Variants in SSBP3 observed in about 807,000 individuals in gnomAD.
SSBP3 encodes the protein single-stranded DNA-binding protein 3.
Under a neutral mutation model 69.6 loss-of-function variants are expected in SSBP3, and 5 were observed. The observed-to-expected ratio is 0.07, with a 90% CI of 0.04 to 0.15. The LOEUF (loss-of-function observed/expected upper bound fraction) is 0.15, where lower values mean the gene tolerates loss of function less well. Among genes scored for constraint, SSBP3 ranks in the 10% least tolerant of loss-of-function variants. The pLI is 1.00. For synonymous variants in SSBP3, 196 were observed against 193.4 expected (o/e 1.01, Z -0.11); for missense variants, 312 against 534.0 (o/e 0.58, Z 4.10).
Position 54,319,495 on chromosome 1 carries a change from A to G in SSBP3, c.277-37968T>C, listed in dbSNP as rs956096844. Among the ~76,000 whole-genome samples the G allele has an allele frequency of 7.2e-5, 11 of 152,132 alleles. No individual in the cohort carries two copies. The East Asian group carries it at 1.6e-3, about 21-fold the overall frequency. On this transcript the variant is annotated intron_variant, in intron 4 of 17. Transcript: ENST00000610401. ...AAGCAGAAACCCCTTTATAAGGGAA[A>G]TTTCCAAACACAGAAGCAGCAGGAG...
chr1:54,360,899 G>A (rs1487469641), intron 4 of SSBP3, among the ~76,000 whole-genome samples: 1 of 146,564 alleles, frequency 6.8e-6, no homozygotes, highest in East Asian at 2.0e-4. Flanking sequence ...GGACAACATA[G>A]TAAGACCTTG....
At chr1:54,290,968 G>A (rs1645594997) in intron 4 of SSBP3, among the ~76,000 whole-genome samples, 1 of 152,078 alleles carries the variant, frequency 6.6e-6, no homozygotes, top group African/African-American at 2.4e-5. Flanking sequence ...TGTCTTAAAG[G>A]AGCTACTTAC....
At chr1:54,240,197 GC>G (rs1644604880) in intron 13 of SSBP3, among the ~76,000 whole-genome samples, 1 of 151,812 alleles carries the variant, frequency 6.6e-6, no homozygotes, top group Admixed American at 6.6e-5. Flanking sequence ...GGTGGCTCAT[GC>G]CTGTAATCCC....
chr1:54,364,446 G>T (rs955234634), intron 4 of SSBP3, among the ~76,000 whole-genome samples: 1 of 152,226 alleles, frequency 6.6e-6, no homozygotes, highest in Admixed American at 6.5e-5. Flanking sequence ...GAGCCAGTCT[G>T]CTAGAAGGAC....
chr1:54,246,706 C>A (rs1354712154), intron 9 of SSBP3, among the ~76,000 whole-genome samples: 1 of 152,218 alleles, frequency 6.6e-6, no homozygotes, highest in African/African-American at 2.4e-5. Flanking sequence ...GAGGCACAGA[C>A]CCTGGAGAGC....
At chr1:54,276,535 C>T (rs760848325) in intron 5 of SSBP3, among the ~76,000 whole-genome samples, 7 of 136,162 alleles carry the variant, frequency 5.1e-5, no homozygotes, top group South Asian at 4.9e-4. Context: ...CACTTGAACC[C>T]GGGAGGCGGA....
intron 4 of SSBP3, among the ~76,000 whole-genome samples, chr1:54,307,372 T>C (rs893650355): frequency 3.3e-5 from 5 of 151,878 alleles, no homozygotes; most frequent in African/African-American, 1.2e-4. Flanking sequence ...AGAACCAACC[T>C]CTCCCTGTCT....
Position 54,386,126 on chromosome 1 carries a change from G to A in SSBP3, c.276+15735C>T, listed in dbSNP as rs77417636. Among the ~76,000 whole-genome samples the A allele has an allele frequency of 2.1e-3, 315 of 152,338 alleles. 10 individuals carry two copies. The East Asian group carries it at 0.046, about 22-fold the overall frequency. On this transcript the variant is annotated intron_variant, in intron 4 of 17. Transcript: ENST00000610401. ...GTTAACATGCAGTGTGGGGTTCAGTGCAGTTCTAGAGGCACAGATGTTTAG... is the reference window on the plus strand; with the variant it reads ...GTTAACATGCAGTGTGGGGTTCAGTACAGTTCTAGAGGCACAGATGTTTAG...
chr1:54,279,845 T>C (rs1028070650), intron 5 of SSBP3, among the ~76,000 whole-genome samples: 2 of 152,232 alleles, frequency 1.3e-5, no homozygotes, highest in African/African-American at 4.8e-5. Context: ...CTGCCTTTCT[T>C]GGGTCCATGA....
At chr1:54,276,892 A>G (rs1645298480) in intron 5 of SSBP3, among the ~76,000 whole-genome samples, 1 of 152,096 alleles carries the variant, frequency 6.6e-6, no homozygotes. Context: ...ACACCATCTC[A>G]GCCAGGGCTG....
At chr1:54,243,696 A>T (rs1644682352) in intron 9 of SSBP3, among the ~76,000 whole-genome samples, 1 of 152,116 alleles carries the variant, frequency 6.6e-6, no homozygotes, top group Admixed American at 6.5e-5. Flanking sequence ...GGAGGCAGGG[A>T]GGCGAGGGGT....
chr1:54,292,675 G>A (rs1645629621), intron 4 of SSBP3, among the ~76,000 whole-genome samples: 1 of 152,174 alleles, frequency 6.6e-6, no homozygotes, highest in African/African-American at 2.4e-5. Context: ...AGCCCTCAGG[G>A]CTCTGAACAA....
intron 4 of SSBP3, among the ~76,000 whole-genome samples, chr1:54,322,437 T>G (rs1324139729): frequency 6.6e-6 from 1 of 152,046 alleles, no homozygotes; most frequent in Non-Finnish European, 1.5e-5. Flanking sequence ...ACATCAGAAC[T>G]TTTTGGGAGT....
chr1:54,316,642 C>T (rs1333302904), intron 4 of SSBP3, among the ~76,000 whole-genome samples: 3 of 81,998 alleles, frequency 3.7e-5, no homozygotes, highest in South Asian at 3.6e-4. Flanking sequence ...AGCGAGACTC[C>T]GTCTCAAAAA....
At chr1:54,270,328 G>T (rs1405597226) in intron 5 of SSBP3, among the ~76,000 whole-genome samples, 1 of 152,176 alleles carries the variant, frequency 6.6e-6, no homozygotes. Context: ...GAGGGTCCCA[G>T]ACACACAACA....
intron 5 of SSBP3, among the ~76,000 whole-genome samples, chr1:54,276,717 T>G (rs1645295383): frequency 1.3e-5 from 2 of 151,820 alleles, no homozygotes; most frequent in African/African-American, 4.8e-5. Context: ...AGAGTAACTG[T>G]TGTGGAACAC....
intron 4 of SSBP3, among the ~76,000 whole-genome samples, chr1:54,385,844 G>A (rs12737468): frequency 0.015 from 2,254 of 152,274 alleles, 24 homozygotes; most frequent in South Asian, 0.037. Flanking sequence ...GGATGGGGGC[G>A]CTCTTGTGGG....
intron 14 of SSBP3, among the ~76,000 whole-genome samples, chr1:54,233,358 G>A (rs1180284969): frequency 3.3e-5 from 5 of 150,066 alleles, no homozygotes; most frequent in Non-Finnish European, 7.4e-5. Flanking sequence ...CGCCCCGTCT[G>A]AGAAGTGAGG....
At chr1:54,367,899 G>T (rs1025064135) in intron 4 of SSBP3, among the ~76,000 whole-genome samples, 1 of 152,176 alleles carries the variant, frequency 6.6e-6, no homozygotes, top group African/African-American at 2.4e-5. Flanking sequence ...AAGCTGAAAA[G>T]AATCTTAATG....
Sources: gnomAD v4.1 joint callset for allele counts (sites outside exome capture counted in the v4.1 genomes callset) on GRCh38, gnomAD v4.1.1 for gene constraint, MANE v1.5 for transcripts, NCBI Gene and HGNC (gene_info 2026-07-23, HGNC 2026-07-21) for gene names.